The following GUCY1A1 variants were observed in gnomAD, a reference collection of about 807,000 sequenced individuals.
GUCY1A1 encodes the protein guanylate cyclase soluble subunit alpha-1.
In GUCY1A1, 48 loss-of-function variants were observed where a neutral mutation model predicts 64.5. The ratio of observed to expected loss-of-function variants is 0.74; its 90% CI spans 0.59 to 0.95. The LOEUF is 0.95. GUCY1A1 is among the 40% of genes least tolerant of loss of function. The pLI is 0.00. For missense variants in GUCY1A1, 804 were observed against 825.3 expected (o/e 0.97, Z 0.32); for synonymous variants, 308 against 303.4 (o/e 1.02, Z -0.16).
intron 2 of GUCY1A1, among the ~76,000 whole-genome samples, chr4:155,684,613 ACACTT>A (rs1728734097): frequency 6.6e-6 from 1 of 152,016 alleles, no homozygotes; most frequent in African/African-American, 2.4e-5. Context: ...CTCGAATCTC[ACACTT>A]CACTTTTATG....
intron 4 of GUCY1A1, among the ~76,000 whole-genome samples, chr4:155,706,667 G>T (rs1731815915): frequency 6.6e-6 from 1 of 152,100 alleles, no homozygotes; most frequent in Non-Finnish European, 1.5e-5. Flanking sequence ...GTGTGTGTGT[G>T]TGTGTGTATT....
At chr4:155,725,116 A>G (rs965553643) in intron 9 of GUCY1A1, among the ~76,000 whole-genome samples, 1 of 152,064 alleles carries the variant, frequency 6.6e-6, no homozygotes, top group Non-Finnish European at 1.5e-5. Context: ...TCACACCTGT[A>G]TCTGAAATTG....
At chr4:155,673,633 G>A (rs1052690451) in intron 2 of GUCY1A1, among the ~76,000 whole-genome samples, 1 of 151,322 alleles carries the variant, frequency 6.6e-6, no homozygotes, top group African/African-American at 2.5e-5. Context: ...TGTGTGTGTG[G>A]GTGTGCATGT....
chr4:155,727,088 T>C (rs545185647), intron 9 of GUCY1A1, among the ~76,000 whole-genome samples: 2 of 151,976 alleles, frequency 1.3e-5, no homozygotes, highest in East Asian at 1.9e-4. Context: ...TAAAGGAATA[T>C]AGGAAAGATA....
intron 3 of GUCY1A1, among the ~76,000 whole-genome samples, chr4:155,699,879 A>G (rs1236436331): frequency 5.9e-5 from 9 of 152,208 alleles, no homozygotes; most frequent in Admixed American, 5.2e-4. Context: ...ATAAAAATGT[A>G]TTATCCTTAG....
chr4:155,711,080 C>T lies in GUCY1A1; in HGVS notation c.915C>T (p.Ile305=). 1 of 1,613,994 alleles carries T rather than the reference C, an allele frequency of 6.2e-7. No homozygotes were observed. Among genetic ancestry groups the T allele is most frequent in the Non-Finnish European group, 8.5e-7 (1 of 1,179,872 alleles). ...CAATTCTGCAATTTGGCAATGGCATCAGAAGGCTGATGAACAGGAGAGACT... is the reference window on the plus strand; with the variant it reads ...CAATTCTGCAATTTGGCAATGGCATTAGAAGGCTGATGAACAGGAGAGACT... ...DMTILQFGNG[I]RRLMNRRDFQ... The change falls in exon 6 of 10, where the codon ATC becomes ATT. Residue 305 remains isoleucine (I), a synonymous_variant. Transcript: ENST00000506455.
chr4:155,733,311 A>G lies in GUCY1A1; in HGVS notation c.*3080A>G, dbSNP rs1735741671. On this transcript the variant is annotated 3_prime_UTR_variant, in exon 10 of 10. Coordinates refer to ENST00000506455, the MANE Select transcript of GUCY1A1 (RefSeq NM_001130682.3). ...TTTGGTCTTAGAGTTCATCAAGCAG[A>G]GAAGGGGAAGGACATGGTCCAGGAA... Among the ~76,000 whole-genome samples the G allele has an allele frequency of 6.6e-6, 1 of 151,680 alleles. No homozygotes were observed. The highest frequency in any genetic ancestry group is 6.6e-5 in the Admixed American group (1 of 15,176).
At chr4:155,699,217 C>T (rs1372073409) in intron 3 of GUCY1A1, among the ~76,000 whole-genome samples, 1 of 151,996 alleles carries the variant, frequency 6.6e-6, no homozygotes, top group African/African-American at 2.4e-5. Flanking sequence ...AGACATTCAC[C>T]AATTGGCTCA....
chr4:155,715,165 C>T (rs1489087301), intron 7 of GUCY1A1, among the ~76,000 whole-genome samples: 2 of 132,250 alleles, frequency 1.5e-5, no homozygotes, highest in East Asian at 4.6e-4. Flanking sequence ...TATGCCAGCC[C>T]TCATTTCTAC....
chr4:155,728,731 A>G (rs1735100961), intron 9 of GUCY1A1, among the ~76,000 whole-genome samples: 1 of 151,832 alleles, frequency 6.6e-6, no homozygotes, highest in Admixed American at 6.6e-5. Context: ...TGTGATTTCT[A>G]ATTGATGCTT....
rs1735747978 is a variant in GUCY1A1, at chr4:155,733,363, G to T, written c.*3132G>T. 6.6e-6 allele frequency among the ~76,000 whole-genome samples: 1 copy of T among 151,674 alleles called. No individual in the cohort carries two copies. Among genetic ancestry groups the T allele is most frequent in the Non-Finnish European group, 1.5e-5 (1 of 67,852 alleles). ...ATAAATCAGCACACAAAGAGATGGG[G>T]TCTTGAGGGTGCATAGTACATTCTG... On this transcript the variant is annotated 3_prime_UTR_variant, in exon 10 of 10. Transcript: ENST00000506455.
At chr4:155,685,204 C>G (rs1271523611) in intron 2 of GUCY1A1, among the ~76,000 whole-genome samples, 1 of 152,140 alleles carries the variant, frequency 6.6e-6, no homozygotes, top group Non-Finnish European at 1.5e-5. Context: ...CACACCCTTC[C>G]CATAAGATTG....
At chr4:155,698,569 T>G (rs1045973165) in intron 3 of GUCY1A1, among the ~76,000 whole-genome samples, 4 of 152,188 alleles carry the variant, frequency 2.6e-5, no homozygotes, top group Admixed American at 2.6e-4. Flanking sequence ...TCATTTTGTT[T>G]GGTAAATTTT....
At chr4:155,702,082 TAGGTTTTGGATGG>T (rs1731156882) in intron 3 of GUCY1A1, among the ~76,000 whole-genome samples, 1 of 152,142 alleles carries the variant, frequency 6.6e-6, no homozygotes, top group South Asian at 2.1e-4. Context: ...GGTACCATTG[TAGGTTTTGGATGG>T]AGGGGTAAGC....
At chr4:155,712,719 GAAGA>G (rs1343418352) in intron 6 of GUCY1A1, among the ~76,000 whole-genome samples, 2 of 152,194 alleles carry the variant, frequency 1.3e-5, no homozygotes, top group African/African-American at 4.8e-5. Flanking sequence ...AGGGAAGAAG[GAAGA>G]AAGAAAGGAC....
At chr4:155,669,813 A>G (rs1384299895) in intron 2 of GUCY1A1, among the ~76,000 whole-genome samples, 1 of 152,186 alleles carries the variant, frequency 6.6e-6, no homozygotes, top group Non-Finnish European at 1.5e-5. Context: ...CAGAAACTAT[A>G]CAAGGGAAAT....
At chr4:155,674,952 C>T (rs1245567449) in intron 2 of GUCY1A1, among the ~76,000 whole-genome samples, 1 of 151,484 alleles carries the variant, frequency 6.6e-6, no homozygotes, top group Non-Finnish European at 1.5e-5. Flanking sequence ...GTAGGTTTGC[C>T]TGCACGAACA....
chr4:155,693,726 T>TA (rs1730056490), intron 2 of GUCY1A1, among the ~76,000 whole-genome samples: 1 of 152,140 alleles, frequency 6.6e-6, no homozygotes, highest in Non-Finnish European at 1.5e-5. Context: ...TTTGCTTTAA[T>TA]AAAAAACACT....
chr4:155,724,459 C>G (rs1734391302), intron 9 of GUCY1A1, among the ~76,000 whole-genome samples: 1 of 152,084 alleles, frequency 6.6e-6, no homozygotes, highest in Non-Finnish European at 1.5e-5. Flanking sequence ...TCACTCCAGT[C>G]AGTGTTTACT....
Sources: gnomAD v4.1 joint callset for allele counts (sites outside exome capture counted in the v4.1 genomes callset) on GRCh38, gnomAD v4.1.1 for gene constraint, MANE v1.5 for transcripts, NCBI Gene and HGNC (gene_info 2026-07-23, HGNC 2026-07-21) for gene names.